The following SHISA9 variants were observed in gnomAD, a reference collection of about 807,000 sequenced individuals.
SHISA9 encodes the protein shisa family member 9, also known as protein shisa-9.
A neutral mutation model predicts 38.0 loss-of-function variants in SHISA9; 13 were observed. The observed-to-expected ratio is 0.34, with a 90% CI of 0.22 to 0.54. SHISA9 has a LOEUF of 0.54. Ranked by LOEUF, SHISA9 falls within the 20% of genes least tolerant of loss-of-function variation. The pLI, the probability that SHISA9 is intolerant of heterozygous loss-of-function variation, is 0.91. For missense variants in SHISA9, 538 were observed against 575.8 expected (o/e 0.93, Z 0.67); for synonymous variants, 275 against 242.0 (o/e 1.14, Z -1.27).
chr16:13,344,161 A>C, the SHISA9 span, among the ~76,000 whole-genome samples: 1 of 152,222 alleles, frequency 6.6e-6, no homozygotes, highest in African/African-American at 2.4e-5. Context: ...ACTTATAATG[A>C]AATCACCCAA....
chr16:13,495,894 T>A, the SHISA9 span, among the ~76,000 whole-genome samples: 14 of 151,894 alleles, frequency 9.2e-5, no homozygotes, highest in Admixed American at 3.9e-4. Flanking sequence ...GAGTCAAAGA[T>A]CAAAGACATG....
the SHISA9 span, among the ~76,000 whole-genome samples, chr16:13,297,384 C>T: frequency 0.019 from 2,854 of 152,188 alleles, 44 homozygotes; most frequent in Middle Eastern, 0.041. Flanking sequence ...AAACTTAGAT[C>T]GTGGAGCCTT....
chr16:13,289,401 T>G, the SHISA9 span, among the ~76,000 whole-genome samples: 1 of 151,780 alleles, frequency 6.6e-6, no homozygotes, highest in African/African-American at 2.4e-5. Context: ...TGGGGGGTGC[T>G]GATGGGAAAG....
At chr16:13,261,891 C>T in the SHISA9 span, among the ~76,000 whole-genome samples, 1 of 152,110 alleles carries the variant, frequency 6.6e-6, no homozygotes, top group African/African-American at 2.4e-5. Context: ...CCTCAGGAGT[C>T]GAAACATCTC....
rs150942929 is a variant in SHISA9 at position 13,021,528 on chromosome 16, G to A, written c.691+104713G>A. ...TAGTTATCACACCCACTAGTAAAAC[G>A]TGGCTCAACCCATGTACCTGACTCA... On this transcript the variant is annotated intron_variant, in intron 2 of 4. Coordinates refer to ENST00000558583, the MANE Select transcript of SHISA9 (RefSeq NM_001145204.3). Among the ~76,000 whole-genome samples the A allele has an allele frequency of 1.1e-3, 172 of 152,250 alleles. 3 individuals carry two copies. The East Asian group carries it at 0.021, about 19-fold the overall frequency.
At chr16:13,258,736 G>T in the SHISA9 span, among the ~76,000 whole-genome samples, 2 of 152,170 alleles carry the variant, frequency 1.3e-5, no homozygotes, top group African/African-American at 4.8e-5. Context: ...AGAAGCCCCT[G>T]ATAAACCCAT....
intron 2 of SHISA9, among the ~76,000 whole-genome samples, chr16:12,970,434 T>TATAC (rs2072056102): frequency 2.4e-5 from 2 of 84,398 alleles, no homozygotes; most frequent in African/African-American, 1.1e-4. Flanking sequence ...TATGTATATA[T>TATAC]ATATACACAC....
chr16:13,314,135 T>C, the SHISA9 span, among the ~76,000 whole-genome samples: 2 of 152,236 alleles, frequency 1.3e-5, no homozygotes, highest in Non-Finnish European at 2.9e-5. Context: ...TCTCTTGCAC[T>C]TTAGGATTAA....
chr16:13,526,122 G>C, the SHISA9 span, among the ~76,000 whole-genome samples: 3 of 152,248 alleles, frequency 2.0e-5, no homozygotes, highest in East Asian at 1.9e-4. Flanking sequence ...GAATTAAAAG[G>C]GGAGAGCAAA....
At chr16:13,468,401 C>A in the SHISA9 span, among the ~76,000 whole-genome samples, 1 of 152,118 alleles carries the variant, frequency 6.6e-6, no homozygotes, top group African/African-American at 2.4e-5. Flanking sequence ...GCTTTTTCTT[C>A]CTTCTCATAT....
chr16:13,028,092 C>A (rs942800422), intron 2 of SHISA9, among the ~76,000 whole-genome samples: 8 of 151,976 alleles, frequency 5.3e-5, no homozygotes, highest in African/African-American at 1.9e-4. Flanking sequence ...TGTGAAACAA[C>A]CTTCTCAGGT....
intron 2 of SHISA9, among the ~76,000 whole-genome samples, chr16:13,086,872 T>A (rs532061817): frequency 4.6e-5 from 7 of 152,070 alleles, no homozygotes; most frequent in African/African-American, 9.7e-5. Flanking sequence ...TATTATACTT[T>A]AAGTTCTAGG....
intron 4 of SHISA9, among the ~76,000 whole-genome samples, chr16:13,227,501 T>C (rs2051291060): frequency 6.6e-6 from 1 of 152,178 alleles, no homozygotes; most frequent in Non-Finnish European, 1.5e-5. Flanking sequence ...AGGAAAAGGC[T>C]GAAGAACAGA....
chr16:12,972,268 T>C (rs1253194327), intron 2 of SHISA9, among the ~76,000 whole-genome samples: 1 of 151,820 alleles, frequency 6.6e-6, no homozygotes, highest in Non-Finnish European at 1.5e-5. Flanking sequence ...AACAGAAAGA[T>C]AAGAGGAAAC....
downstream of SHISA9, among the ~76,000 whole-genome samples, chr16:13,243,150 G>T (rs2051447185): frequency 6.6e-6 from 1 of 151,934 alleles, no homozygotes; most frequent in East Asian, 1.9e-4. Flanking sequence ...GAGGCAGGGA[G>T]AATGGTGTGA....
chr16:13,290,069 A>G, the SHISA9 span, among the ~76,000 whole-genome samples: 5 of 152,204 alleles, frequency 3.3e-5, no homozygotes, highest in African/African-American at 9.6e-5. Context: ...AGCATTGAAC[A>G]TAGGTGGTAT....
chr16:13,146,581 G>T (rs1287924650), intron 2 of SHISA9, among the ~76,000 whole-genome samples: 2 of 152,116 alleles, frequency 1.3e-5, no homozygotes, highest in Non-Finnish European at 2.9e-5. Context: ...GTTGTCTGTA[G>T]TCTAGGTCCA....
chr16:12,975,650 C>CGGGGGGGGGG (rs796430576), intron 2 of SHISA9, among the ~76,000 whole-genome samples: 1 of 8,188 alleles, frequency 1.2e-4, no homozygotes, highest in South Asian at 3.9e-3. Context: ...TGGGGTGGGA[C>CGGGGGGGGGG]GGGGGCGGGG....
At chr16:13,355,655 C>T in the SHISA9 span, among the ~76,000 whole-genome samples, 1 of 151,994 alleles carries the variant, frequency 6.6e-6, no homozygotes, top group African/African-American at 2.4e-5. Flanking sequence ...CCATCAATAC[C>T]CACAACAGTT....
Sources: allele counts gnomAD v4.1 joint callset (sites outside exome capture counted in the v4.1 genomes callset), GRCh38; gene constraint gnomAD v4.1.1; transcripts MANE v1.5; gene names NCBI Gene and HGNC (gene_info 2026-07-23, HGNC 2026-07-21).